Variants in CACNA1B observed in about 807,000 individuals in gnomAD.
CACNA1B encodes the protein voltage-dependent N-type calcium channel subunit alpha-1B.
CACNA1B carries 70 observed loss-of-function variants against 247.2 expected under a neutral mutation model. That is an observed-to-expected ratio of 0.28 (90% CI 0.23 to 0.35). The LOEUF (loss-of-function observed/expected upper bound fraction) is 0.35. Ranked by LOEUF, CACNA1B falls within the 10% of genes least tolerant of loss-of-function variation. CACNA1B has a pLI of 1.00. For synonymous variants in CACNA1B, 1,231 were observed against 1,294.4 expected (o/e 0.95, Z 1.05); for missense variants, 2,367 against 3,197.4 (o/e 0.74, Z 6.26).
chr9:137,986,900 T>A lies in CACNA1B; in HGVS notation c.1974+46T>A. On this transcript the variant is annotated intron_variant, in intron 15 of 46. Coordinates refer to ENST00000371372, the MANE Select transcript of CACNA1B (RefSeq NM_000718.4). The surrounding 1 kb of genome is among the most constrained non-coding windows in gnomAD (Gnocchi z 6.0). ...ATTTGCGGCCTGCCCGGCTCCCGTCTCCCCTGGGTGCTGGGAAGGCGGACT... is the reference window on the plus strand; with the variant it reads ...ATTTGCGGCCTGCCCGGCTCCCGTCACCCCTGGGTGCTGGGAAGGCGGACT... 7.1e-7 allele frequency: 1 copy of A among 1,411,240 alleles called. No homozygotes were observed. Among genetic ancestry groups the A allele is most frequent in the Non-Finnish European group, 1.0e-6 (1 of 996,510 alleles). The allele number at this position is 1,411,240 out of a possible 1,614,324, so 87.4% of individuals were successfully genotyped here.
At chr9:137,933,182 C>T (rs781745111) in intron 6 of CACNA1B, among the ~76,000 whole-genome samples, 11 of 152,238 alleles carry the variant, frequency 7.2e-5, no homozygotes, top group Non-Finnish European at 1.3e-4. Flanking sequence ...ATCTGCCTGC[C>T]TCGGCCTCCC....
rs112595129 is a variant in CACNA1B, at chr9:137,902,879, C to T, written c.531-10301C>T. 1.1e-3 allele frequency among the ~76,000 whole-genome samples: 165 copies of T among 152,316 alleles called. 2 individuals carry two copies. The highest frequency in any genetic ancestry group is 3.6e-3 in the African/African-American group (151 of 41,574). On this transcript the variant is annotated intron_variant, in intron 3 of 46. Transcript: ENST00000371372. ...ACAGATGTCTCAGCATCTGATGTCC[C>T]GGCAACCCCCACTGCCGAGTGTCCT...
rs1958877731 is a variant in CACNA1B, at chr9:138,023,531, C to T, written c.2788C>T (p.Arg930Trp). Reference sequence around the variant, plus strand: ...CGGCTCCCCGGAGGAGGCGGCCGAGCGGGAGCCCCGACGCCACCGCGCGCA... The same window carrying T: ...CGGCTCCCCGGAGGAGGCGGCCGAGTGGGAGCCCCGACGCCACCGCGCGCA... ...RRGSPEEAAE[R>W]EPRRHRAHRH... Residue 930 changes from arginine (R) to tryptophan (W), a missense_variant, in exon 19 of 47, where the codon CGG becomes TGG. Physicochemically the swap from Arg to Trp is moderately radical, Grantham distance 101. Coordinates refer to ENST00000371372, the MANE Select transcript of CACNA1B (RefSeq NM_000718.4). 1.9e-6 allele frequency: 2 copies of T among 1,078,156 alleles called. No individual in the cohort carries two copies. The highest frequency in any genetic ancestry group is 2.2e-6 in the Non-Finnish European group (2 of 889,060). The allele number at this position is 1,078,156 out of a possible 1,614,324, so 66.8% of individuals were successfully genotyped here.
intron 31 of CACNA1B, among the ~76,000 whole-genome samples, chr9:138,061,430 A>G (rs1959718338): frequency 6.6e-6 from 1 of 152,158 alleles, no homozygotes; most frequent in Non-Finnish European, 1.5e-5. Flanking sequence ...TCCTCCATCC[A>G]TACATTTTAC....
At chr9:138,087,038 A>G (rs1052677327) in intron 36 of CACNA1B, among the ~76,000 whole-genome samples, 1 of 151,302 alleles carries the variant, frequency 6.6e-6, no homozygotes, top group African/African-American at 2.4e-5. Context: ...CAAATTCATG[A>G]AAATTAACAT....
In CACNA1B at chr9:137,952,410, CCTCTGTGTT is replaced by C; in HGVS notation, c.1070+37_1070+45del. 6.4e-7 allele frequency: 1 copy of C among 1,563,464 alleles called. No homozygotes were observed. Among genetic ancestry groups the C allele is most frequent in the Non-Finnish European group, 8.8e-7 (1 of 1,134,408 alleles). Reference sequence around the variant, plus strand: ...ACCATGTGGGGGATGTGCAGGTGCCCCTCTGTGTTCTCAGCTGAGGGGTCAACAGGGGCA... The same window carrying C: ...ACCATGTGGGGGATGTGCAGGTGCCCCTCAGCTGAGGGGTCAACAGGGGCA... On this transcript the variant is annotated intron_variant, in intron 7 of 46. Transcript: ENST00000371372. This position sits in a 1 kb window ranked among gnomAD's most constrained non-coding sequence, Gnocchi z 4.8.
intron 10 of CACNA1B, among the ~76,000 whole-genome samples, chr9:137,969,420 G>C (rs80030896): frequency 4.7e-5 from 7 of 149,280 alleles, no homozygotes; most frequent in African/African-American, 1.2e-4. Flanking sequence ...GTGTGTGTGT[G>C]GGGGGCTGTG....
intron 6 of CACNA1B, among the ~76,000 whole-genome samples, chr9:137,949,355 T>G (rs1589027216): frequency 1.8e-4 from 1 of 5,594 alleles, no homozygotes; most frequent in African/African-American, 6.9e-4. Flanking sequence ...GTGTGTGTGT[T>G]TGGTGTTGGT....
chr9:137,924,508 C>T (rs191479810), intron 6 of CACNA1B, among the ~76,000 whole-genome samples: 4 of 152,270 alleles, frequency 2.6e-5, no homozygotes, highest in Admixed American at 2.6e-4. Context: ...GGGTCTATTT[C>T]AGGTCCACGT....
chr9:137,989,452 C>T (rs1207739636), intron 15 of CACNA1B, among the ~76,000 whole-genome samples: 1 of 152,074 alleles, frequency 6.6e-6, no homozygotes, highest in African/African-American at 2.4e-5. Flanking sequence ...GTGCCCCTTC[C>T]GAGTGAGTCC....
chr9:137,884,689 C>T (rs1234431913), intron 3 of CACNA1B, among the ~76,000 whole-genome samples: 3 of 151,860 alleles, frequency 2.0e-5, no homozygotes, highest in African/African-American at 7.3e-5. Context: ...CTGGGGGGTG[C>T]GGGCCAGCGG....
rs942981584 is a variant in CACNA1B at position 138,052,698 on chromosome 9, T to G, written c.3807+510T>G. ...CAAACCTTTATGCAGCAGATTCTTT[T>G]ACTGGAAATTCAAGCCATTGAGACC... On this transcript the variant is annotated intron_variant, in intron 25 of 46. Coordinates refer to ENST00000371372, the MANE Select transcript of CACNA1B (RefSeq NM_000718.4). This position sits in a 1 kb window ranked among gnomAD's most constrained non-coding sequence, Gnocchi z 5.1. Among the ~76,000 whole-genome samples, 3 of 152,206 alleles carry G rather than the reference T, an allele frequency of 2.0e-5. No individual in the cohort carries two copies. The highest frequency in any genetic ancestry group is 2.0e-4 in the Admixed American group (3 of 15,284).
Position 137,947,848 on chromosome 9 carries a change from G to A in CACNA1B, c.967-4426G>A, listed in dbSNP as rs182240504. Among the ~76,000 whole-genome samples the A allele has an allele frequency of 8.0e-4, 121 of 151,620 alleles. 3 individuals are homozygous for A. The highest frequency in any genetic ancestry group is 2.5e-3 in the East Asian group (13 of 5,158). ...GTATGGTATCATTTTTTTCTGCTGC[G>A]TTCAAGATTTTTTCTTTGTCTTTAG... On this transcript the variant is annotated intron_variant, in intron 6 of 46. Coordinates refer to ENST00000371372, the MANE Select transcript of CACNA1B (RefSeq NM_000718.4).
Position 137,917,514 on chromosome 9 carries a change from C to T in CACNA1B, c.966+83C>T, listed in dbSNP as rs1302409752. ...CCTCTGGGGGTCCATTTAGGGGGGC[C>T]CTTCTGACCTCAGAGCCTCTGCCCA... On this transcript the variant is annotated intron_variant, in intron 6 of 46. Coordinates refer to ENST00000371372, the MANE Select transcript of CACNA1B (RefSeq NM_000718.4). This position sits in a 1 kb window ranked among gnomAD's most constrained non-coding sequence, Gnocchi z 5.5. The T allele has an allele frequency of 1.6e-6, 2 of 1,219,328 alleles. No homozygotes were observed. The highest frequency in any genetic ancestry group is 2.3e-5 in the East Asian group (1 of 42,764). 75.5% of individuals were successfully genotyped at this position (1,219,328 alleles called of 1,614,324 possible).
At position 138,006,671 on chromosome 9, in the gene CACNA1B, G is replaced by T. The variant is rs1394135249; in HGVS notation, c.1975-96G>T. On this transcript the variant is annotated intron_variant, in intron 15 of 46. Coordinates refer to ENST00000371372, the MANE Select transcript of CACNA1B (RefSeq NM_000718.4). The stretch of plus-strand genomic sequence containing the variant: ...ATGTGTGGACGTGGCAGTGCGCGTG[G>T]ACGTGGCGGTGCACATGCACTCATG... 3 of 710,104 alleles carry T rather than the reference G, an allele frequency of 4.2e-6. No individual in the cohort carries two copies. In the Admixed American group the frequency reaches 6.1e-5, roughly 14 times the overall value. The allele number at this position is 710,104 out of a possible 1,614,324, so 44.0% of individuals were successfully genotyped here.
At chr9:137,898,901 C>G (rs540817132) in intron 3 of CACNA1B, among the ~76,000 whole-genome samples, 12 of 151,490 alleles carry the variant, frequency 7.9e-5, no homozygotes, top group Non-Finnish European at 1.8e-4. Context: ...CAGGATGTCT[C>G]GATCTCCTGA....
intron 15 of CACNA1B, among the ~76,000 whole-genome samples, chr9:138,000,962 G>C (rs199865020): frequency 6.6e-6 from 1 of 151,696 alleles, no homozygotes; most frequent in East Asian, 1.9e-4. Flanking sequence ...TCTACTTCAT[G>C]TGTCTCCTTA....
chr9:137,957,395 C>T lies in CACNA1B; in HGVS notation c.1244-203C>T, dbSNP rs1054036544. Reference sequence around the variant, plus strand: ...AGAAAGGGAAAGCGGGGACCCCTCACCCTCAAAATTCCTTGTCCCTTCAGC... The same window carrying T: ...AGAAAGGGAAAGCGGGGACCCCTCATCCTCAAAATTCCTTGTCCCTTCAGC... On this transcript the variant is annotated intron_variant, in intron 9 of 46. Transcript: ENST00000371372. This position sits in a 1 kb window ranked among gnomAD's most constrained non-coding sequence, Gnocchi z 4.7. Among the ~76,000 whole-genome samples, 3 of 152,214 alleles carry T rather than the reference C, an allele frequency of 2.0e-5. No homozygotes were observed. Among genetic ancestry groups the T allele is most frequent in the African/African-American group, 4.8e-5 (2 of 41,456 alleles).
chr9:138,029,800 A>T (rs1958966608), intron 20 of CACNA1B, among the ~76,000 whole-genome samples: 1 of 151,916 alleles, frequency 6.6e-6, no homozygotes, highest in Non-Finnish European at 1.5e-5. Context: ...TTTTTAATAG[A>T]GATGGGGTTT....
Sources: gnomAD v4.1 joint callset for allele counts (sites outside exome capture counted in the v4.1 genomes callset) on GRCh38, gnomAD v4.1.1 for gene constraint, Gnocchi (gnomAD v3.1) non-coding constraint, MANE v1.5 for transcripts, NCBI Gene and HGNC (gene_info 2026-07-23, HGNC 2026-07-21) for gene names.